SMARCD3: variants seen among roughly 807,000 people sequenced by gnomAD.
SMARCD3 encodes the protein SWI/SNF related BAF chromatin remodeling complex subunit D3, also known as SWI/SNF-related matrix-associated actin-dependent regulator of chromatin subfamily D member 3.
Under a neutral mutation model 58.0 loss-of-function variants are expected in SMARCD3, and 14 were observed. The observed-to-expected ratio is 0.24, with a 90% confidence interval of 0.16 to 0.38. The LOEUF (loss-of-function observed/expected upper bound fraction) is 0.38. Among genes scored for constraint, SMARCD3 ranks in the 10% least tolerant of loss-of-function variants. The pLI is 1.00. For synonymous variants in SMARCD3, 253 were observed against 253.8 expected (o/e 1.00, Z 0.03); for missense variants, 408 against 636.9 (o/e 0.64, Z 3.87).
chr7:151,266,251 T>C (rs375125071), intron 2 of SMARCD3, among the ~76,000 whole-genome samples: 1 of 152,012 alleles, frequency 6.6e-6, no homozygotes, highest in African/African-American at 2.4e-5. Flanking sequence ...ATTGCAGGCG[T>C]GAGCCACCGC....
At chr7:151,250,222 T>A (rs887042066), upstream of SMARCD3, among the ~76,000 whole-genome samples, 2 of 152,040 alleles carry the variant, frequency 1.3e-5, no homozygotes, top group Non-Finnish European at 2.9e-5. Flanking sequence ...ATCTGAAATG[T>A]CAGGGAGGAC....
In SMARCD3 at chr7:151,262,677, G is replaced by C. The variant is rs183172610; in HGVS notation, c.39+12437C>G. Among the ~76,000 whole-genome samples, 14 of 152,350 alleles carry C rather than the reference G, an allele frequency of 9.2e-5. No homozygotes were observed. The East Asian group carries it at 2.7e-3, about 29-fold the overall frequency. On this transcript the variant is annotated intron_variant, in intron 2 of 13. Coordinates refer to the SMARCD3 transcript ENST00000356800. ...GGTGTGTCCTTAGGGCCCCGCGGGA[G>C]CAGGGAGGAGGGGCCCCTAACAGGG...
chr7:151,271,306 C>G (rs1053819616), intron 2 of SMARCD3, among the ~76,000 whole-genome samples: 3 of 152,150 alleles, frequency 2.0e-5, no homozygotes, highest in Non-Finnish European at 4.4e-5. Context: ...GGACACAGAT[C>G]ATCTCCTTCT....
In SMARCD3 at chr7:151,242,953, C is replaced by T. The variant is rs1803074611; in HGVS notation, c.334-110G>A. The T allele has an allele frequency of 7.3e-7, 1 of 1,379,284 alleles. No individual in the cohort carries two copies. The highest frequency in any genetic ancestry group is 2.2e-5 in the Admixed American group (1 of 45,340). The allele number at this position is 1,379,284 out of a possible 1,614,324, so 85.4% of individuals were successfully genotyped here. A position where few individuals can be genotyped will look rare whatever the true frequency, so the allele number is the denominator to read the frequency against. ...GTACAAAAGATGTCAGGGGAGCCAT[C>T]CTACTTTTGGGCATGTAGCTTTGAC... On this transcript the variant is annotated intron_variant, in intron 3 of 12. Coordinates refer to ENST00000262188, the MANE Select transcript of SMARCD3 (RefSeq NM_001003801.2). This position sits in a 1 kb window ranked among gnomAD's most constrained non-coding sequence, Gnocchi z 4.7.
chr7:151,273,490 C>T lies in SMARCD3; in HGVS notation c.39+1624G>A, dbSNP rs560114798. Among the ~76,000 whole-genome samples the T allele has an allele frequency of 3.3e-5, 5 of 152,350 alleles. No homozygotes were observed. In the South Asian group the frequency reaches 8.3e-4, roughly 25 times the overall value. ...AGCTGCCTCCCATCAGCCTGCCCCC[C>T]GTTCAACCTGGCCTCTAACCTCAGA... is the stretch of plus-strand genomic sequence containing the variant. On this transcript the variant is annotated intron_variant, in intron 2 of 13. Coordinates refer to the SMARCD3 transcript ENST00000356800.
chr7:151,257,909 A>G (rs112472109), intron 2 of SMARCD3, among the ~76,000 whole-genome samples: 2 of 152,080 alleles, frequency 1.3e-5, no homozygotes, highest in African/African-American at 2.4e-5. Flanking sequence ...CCTCTCTCCC[A>G]GTCCTTGGAC....
chr7:151,269,198 GA>G (rs1168104280), intron 2 of SMARCD3, among the ~76,000 whole-genome samples: 1 of 152,232 alleles, frequency 6.6e-6, no homozygotes, highest in Non-Finnish European at 1.5e-5. Flanking sequence ...ACTGAGGCAG[GA>G]AAAGGCAAAA....
chr7:151,251,394 C>T (rs1033701685), upstream of SMARCD3, among the ~76,000 whole-genome samples: 10 of 152,216 alleles, frequency 6.6e-5, no homozygotes, highest in Admixed American at 4.6e-4. Context: ...CACAGGCACA[C>T]CTTGAGCACC....
upstream of SMARCD3, among the ~76,000 whole-genome samples, chr7:151,249,676 C>T (rs1474329154): frequency 6.6e-6 from 1 of 151,354 alleles, no homozygotes; most frequent in Non-Finnish European, 1.5e-5. The surrounding 1 kb of genome is among the most constrained non-coding windows in gnomAD (Gnocchi z 4.8). Context: ...GGTTAGGGGA[C>T]CCAGAGGAGT....
chr7:151,260,143 T>G (rs530115289), intron 2 of SMARCD3, among the ~76,000 whole-genome samples: 1 of 152,302 alleles, frequency 6.6e-6, no homozygotes, highest in South Asian at 2.1e-4. Flanking sequence ...TCAGGTTTCC[T>G]GTCCTCAAGG....
intron 2 of SMARCD3, among the ~76,000 whole-genome samples, chr7:151,272,351 ACTCTAT>A (rs1316781079): frequency 6.6e-6 from 1 of 151,834 alleles, no homozygotes; most frequent in Non-Finnish European, 1.5e-5. Flanking sequence ...TGTTTTCTCT[ACTCTAT>A]CTCTGTCTCA....
chr7:151,243,131 T>C lies in SMARCD3; in HGVS notation c.334-288A>G, dbSNP rs576616786. Among the ~76,000 whole-genome samples the C allele has an allele frequency of 2.0e-5, 3 of 152,290 alleles. No homozygotes were observed. In the East Asian group the frequency reaches 5.8e-4, roughly 29 times the overall value. On this transcript the variant is annotated intron_variant, in intron 3 of 12. Transcript: ENST00000262188. The surrounding 1 kb of genome is among the most constrained non-coding windows in gnomAD (Gnocchi z 4.4). ...GTGGAGCTCAGCAAGCACTAGCCTT[T>C]AGTCTCCTCATCTTGTCATTGTCCA...
At chr7:151,252,118 C>A (rs1025257668), upstream of SMARCD3, among the ~76,000 whole-genome samples, 1 of 152,088 alleles carries the variant, frequency 6.6e-6, no homozygotes, top group African/African-American at 2.4e-5. Flanking sequence ...CCACCTAGGC[C>A]GGGCCCCAGC....
chr7:151,250,192 C>G (rs569289274), upstream of SMARCD3, among the ~76,000 whole-genome samples: 4 of 152,214 alleles, frequency 2.6e-5, no homozygotes, highest in East Asian at 7.8e-4. Flanking sequence ...TGTCACTGTT[C>G]ATTTAGGTGC....
intron 1 of SMARCD3, among the ~76,000 whole-genome samples, chr7:151,276,505 G>A (rs531657486): frequency 1.6e-4 from 23 of 145,390 alleles, no homozygotes; most frequent in Middle Eastern, 3.7e-3. Context: ...GGGAGGATAG[G>A]AAGGTACTGG....
At chr7:151,275,974 C>T (rs2150621205) in intron 1 of SMARCD3, among the ~76,000 whole-genome samples, 1 of 152,058 alleles carries the variant, frequency 6.6e-6, no homozygotes. Context: ...AAAGAGGCTG[C>T]TGCCCATGGA....
chr7:151,264,143 C>T (rs563393521), intron 2 of SMARCD3, among the ~76,000 whole-genome samples: 29 of 151,484 alleles, frequency 1.9e-4, no homozygotes, highest in Non-Finnish European at 3.5e-4. Flanking sequence ...ACTGCAACCT[C>T]TGCCTCCCGG....
intron 2 of SMARCD3, among the ~76,000 whole-genome samples, chr7:151,257,929 C>T (rs1029666151): frequency 2.0e-5 from 3 of 152,182 alleles, no homozygotes; most frequent in Non-Finnish European, 4.4e-5. Flanking sequence ...CGCATCTATC[C>T]AATCACCTAT....
chr7:151,242,348 G>T lies in SMARCD3; in HGVS notation c.580-116C>A. 7.0e-7 allele frequency: 1 copy of T among 1,434,024 alleles called. No homozygotes were observed. The highest frequency in any genetic ancestry group is 9.8e-7 in the Non-Finnish European group (1 of 1,024,372). 88.8% of individuals were successfully genotyped at this position (1,434,024 alleles called of 1,614,324 possible). A position where few individuals can be genotyped will look rare whatever the true frequency, so the allele number is the denominator to read the frequency against. ...GGCTTAGATGAAATCCTCTGCACTTGGAATGTCTCTAGGCCTGCCCCTCCA... is the reference window on the plus strand; with the variant it reads ...GGCTTAGATGAAATCCTCTGCACTTTGAATGTCTCTAGGCCTGCCCCTCCA... On this transcript the variant is annotated intron_variant, in intron 5 of 12. Coordinates refer to ENST00000262188, the MANE Select transcript of SMARCD3 (RefSeq NM_001003801.2). This position sits in a 1 kb window ranked among gnomAD's most constrained non-coding sequence, Gnocchi z 4.7.
Sources: allele counts gnomAD v4.1 joint callset (sites outside exome capture counted in the v4.1 genomes callset), GRCh38; gene constraint gnomAD v4.1.1; non-coding constraint Gnocchi (gnomAD v3.1); transcripts MANE v1.5; gene names NCBI Gene and HGNC (gene_info 2026-07-23, HGNC 2026-07-21).